The following CDC42SE2 variants were observed in gnomAD, a reference collection of about 807,000 sequenced individuals.
CDC42SE2 encodes the protein CDC42 small effector 2, also known as CDC42 small effector protein 2.
CDC42SE2 carries 3 observed loss-of-function variants against 11.5 expected under a neutral mutation model. The observed-to-expected ratio is 0.26, with a 90% CI of 0.12 to 0.67. CDC42SE2 has a LOEUF of 0.67. Among genes scored for constraint, CDC42SE2 ranks in the 30% least tolerant of loss-of-function variants. The pLI is 0.80. For synonymous variants in CDC42SE2, 33 were observed against 34.8 expected (o/e 0.95, Z 0.18); for missense variants, 82 against 106.8 (o/e 0.77, Z 1.02).
intron 1 of CDC42SE2, among the ~76,000 whole-genome samples, chr5:131,271,770 A>T (rs1382759268): frequency 6.6e-6 from 1 of 152,154 alleles, no homozygotes; most frequent in Non-Finnish European, 1.5e-5. Flanking sequence ...GTCCACTATT[A>T]TAATTTTGCC....
At chr5:131,242,261 T>C (rs1490567423), upstream of CDC42SE2, among the ~76,000 whole-genome samples, 1 of 152,236 alleles carries the variant, frequency 6.6e-6, no homozygotes, top group African/African-American at 2.4e-5. Context: ...AACTGAATTC[T>C]GGATTCTTTT....
chr5:131,388,535 T>C (rs1053954430), intron 4 of CDC42SE2, among the ~76,000 whole-genome samples: 1 of 152,200 alleles, frequency 6.6e-6, no homozygotes, highest in Admixed American at 6.5e-5. Context: ...TCTTTTTTCT[T>C]CTAAATATAT....
the CDC42SE2 span, among the ~76,000 whole-genome samples, chr5:131,229,905 G>C: frequency 6.6e-6 from 1 of 152,164 alleles, no homozygotes; most frequent in Admixed American, 6.5e-5. Flanking sequence ...CTGCACTCCA[G>C]CCTGGGTGAG....
At chr5:131,220,933 A>T in the CDC42SE2 span, among the ~76,000 whole-genome samples, 1 of 144,210 alleles carries the variant, frequency 6.9e-6, no homozygotes, top group Non-Finnish European at 1.5e-5. Context: ...CGCCTAGGCT[A>T]AAGTGCGGTG....
At chr5:131,320,007 C>T (rs1228312296) in intron 2 of CDC42SE2, among the ~76,000 whole-genome samples, 5 of 137,888 alleles carry the variant, frequency 3.6e-5, no homozygotes, top group East Asian at 2.2e-4. Context: ...GCGGAGATCG[C>T]GCCACTGCAC....
chr5:131,252,085 G>GA (rs1209356270), intron 1 of CDC42SE2, among the ~76,000 whole-genome samples: 1 of 150,670 alleles, frequency 6.6e-6, no homozygotes, highest in Non-Finnish European at 1.5e-5. Context: ...AGGAAGGAAG[G>GA]AAGGAAGGAA....
chr5:131,336,127 T>G (rs1266252840), intron 2 of CDC42SE2, among the ~76,000 whole-genome samples: 8 of 152,242 alleles, frequency 5.3e-5, no homozygotes, highest in Middle Eastern at 3.2e-3. Context: ...TTTCCATGTT[T>G]AGTGCTTCCT....
At chr5:131,272,398 G>A (rs1318704751) in intron 1 of CDC42SE2, among the ~76,000 whole-genome samples, 1 of 151,978 alleles carries the variant, frequency 6.6e-6, no homozygotes, top group African/African-American at 2.4e-5. Flanking sequence ...CAAACCTCTA[G>A]CCTCCCTTTT....
Position 131,265,004 on chromosome 5 carries a change from G to T in CDC42SE2, c.-455+838G>T, listed in dbSNP as rs540191262. On this transcript the variant is annotated intron_variant, in intron 1 of 4. Coordinates refer to ENST00000505065, the MANE Select transcript of CDC42SE2 (RefSeq NM_001375635.1). The stretch of plus-strand genomic sequence containing the variant: ...TGGCTTATAGTACGTGCTCAGTAAA[G>T]TATTTGTTGAATGAATGAATCTTGA... Among the ~76,000 whole-genome samples the T allele has an allele frequency of 8.5e-5, 13 of 152,266 alleles. No homozygotes were observed. The South Asian group carries it at 2.7e-3, about 32-fold the overall frequency.
At chr5:131,329,110 G>C (rs1185723104) in intron 2 of CDC42SE2, among the ~76,000 whole-genome samples, 2 of 152,164 alleles carry the variant, frequency 1.3e-5, no homozygotes, top group African/African-American at 4.8e-5. Context: ...TAAGGCTTCT[G>C]TGCCACCCTG....
chr5:131,304,595 G>A (rs1757745435), intron 1 of CDC42SE2, among the ~76,000 whole-genome samples: 1 of 152,144 alleles, frequency 6.6e-6, no homozygotes, highest in Admixed American at 6.6e-5. Flanking sequence ...ATTTAATGGA[G>A]GACTGAGGTA....
chr5:131,275,863 C>T (rs1757089688), intron 1 of CDC42SE2, among the ~76,000 whole-genome samples: 1 of 150,258 alleles, frequency 6.7e-6, no homozygotes. Context: ...ACTGTACTGC[C>T]TAGTTACTCT....
chr5:131,250,745 A>G (rs1358223553), intron 1 of CDC42SE2, among the ~76,000 whole-genome samples: 1 of 152,228 alleles, frequency 6.6e-6, no homozygotes, highest in Non-Finnish European at 1.5e-5. Context: ...TTTAGTTAAC[A>G]AAACTATAGC....
At chr5:131,374,357 C>T (rs111375782) in intron 3 of CDC42SE2, among the ~76,000 whole-genome samples, 15 of 152,076 alleles carry the variant, frequency 9.9e-5, no homozygotes, top group African/African-American at 2.9e-4. Flanking sequence ...CTGGCCAAGA[C>T]GGTGAAACCC....
intron 2 of CDC42SE2, among the ~76,000 whole-genome samples, chr5:131,335,472 G>T (rs1758533805): frequency 6.6e-6 from 1 of 152,212 alleles, no homozygotes; most frequent in Non-Finnish European, 1.5e-5. Context: ...TTCTGTAGAT[G>T]TCTATTAGGT....
Position 131,380,266 on chromosome 5 carries a change from C to G in CDC42SE2, c.55-5277C>G, listed in dbSNP as rs187590926. On this transcript the variant is annotated intron_variant, in intron 3 of 4. Transcript: ENST00000505065. Reference sequence around the variant, plus strand: ...TCTTTTATAAAACCCTTGCCCCCCTCCCACTCTTCCAGAGCCCCAAGTCCA... The same window carrying G: ...TCTTTTATAAAACCCTTGCCCCCCTGCCACTCTTCCAGAGCCCCAAGTCCA... Among the ~76,000 whole-genome samples, 141 of 152,260 alleles carry G rather than the reference C, an allele frequency of 9.3e-4. 1 individual carries two copies. Among genetic ancestry groups the G allele is most frequent in the Middle Eastern group, 6.8e-3 (2 of 294 alleles).
At chr5:131,339,809 C>CA (rs748107559) in intron 2 of CDC42SE2, among the ~76,000 whole-genome samples, 869 of 82,326 alleles carry the variant, frequency 0.011, 7 homozygotes, top group East Asian at 0.031. Flanking sequence ...GACCCCATCT[C>CA]AAAAAAAAAA....
At position 131,310,464 on chromosome 5, in the gene CDC42SE2, T is replaced by G. The variant is rs1054111302; in HGVS notation, c.-454-5512T>G. On this transcript the variant is annotated intron_variant, in intron 1 of 4. Transcript: ENST00000505065. The stretch of plus-strand genomic sequence containing the variant: ...GAGTTCTGTAGATGTCTATTAGGTC[T>G]GCTTGGTGCAGAGCTGAGTTCAATT... Among the ~76,000 whole-genome samples the G allele has an allele frequency of 1.4e-4, 21 of 152,142 alleles. 3 individuals carry two copies. Among genetic ancestry groups the G allele is most frequent in the African/African-American group, 3.9e-4 (16 of 41,488 alleles).
the CDC42SE2 span, among the ~76,000 whole-genome samples, chr5:131,233,128 C>T: frequency 6.6e-6 from 1 of 151,902 alleles, no homozygotes; most frequent in South Asian, 2.1e-4. Context: ...TTTCCTTTCT[C>T]GTATAAGGGA....
Sources: allele counts gnomAD v4.1 joint callset (sites outside exome capture counted in the v4.1 genomes callset), GRCh38; gene constraint gnomAD v4.1.1; transcripts MANE v1.5; gene names NCBI Gene and HGNC (gene_info 2026-07-23, HGNC 2026-07-21).